ASAP1: variants seen among roughly 807,000 people sequenced by gnomAD.
The protein encoded by ASAP1 is arf-GAP with SH3 domain, ANK repeat and PH domain-containing protein 1.
Under a neutral mutation model 145.2 loss-of-function variants are expected in ASAP1, and 43 were observed. That is an observed-to-expected ratio of 0.30 (90% confidence interval 0.23 to 0.38). The LOEUF (loss-of-function observed/expected upper bound fraction) is 0.38. Among genes scored for constraint, ASAP1 ranks in the 10% least tolerant of loss-of-function variants. ASAP1 has a pLI of 1.00. For synonymous variants in ASAP1, 546 were observed against 515.5 expected, an observed-to-expected ratio of 1.06 and a Z score of -0.80; for missense variants, 1,018 against 1,355.3, an observed-to-expected ratio of 0.75 and a Z score of 3.91.
intron 3 of ASAP1, among the ~76,000 whole-genome samples, chr8:130,258,583 G>A (rs757460991): frequency 2.0e-5 from 3 of 152,208 alleles, no homozygotes; most frequent in Non-Finnish European, 4.4e-5. Flanking sequence ...TACCTCGGAA[G>A]GGCTCTGTGA....
intron 4 of ASAP1, among the ~76,000 whole-genome samples, chr8:130,219,168 A>G (rs1817132126): frequency 7.1e-6 from 1 of 141,292 alleles, no homozygotes; most frequent in Admixed American, 6.9e-5. Flanking sequence ...GTAATATCAA[A>G]CAGAATAAAA....
At chr8:130,427,442 C>A (rs911327770) in intron 1 of ASAP1, among the ~76,000 whole-genome samples, 3 of 152,336 alleles carry the variant, frequency 2.0e-5, no homozygotes, top group African/African-American at 7.2e-5. Context: ...TGCCGAGAAT[C>A]CCACATGTGG....
chr8:130,080,979 T>C lies in ASAP1; in HGVS notation c.2573-1008A>G, dbSNP rs183232337. On this transcript the variant is annotated intron_variant, in intron 25 of 29. Coordinates refer to ENST00000518721, the MANE Select transcript of ASAP1 (RefSeq NM_018482.4). ...ATCTACTATGTGCAAGGCATAAATG[T>C]GAAGCAGAAGGCACAAAAACAAATA... is the stretch of plus-strand genomic sequence containing the variant. 2.0e-3 allele frequency among the ~76,000 whole-genome samples: 310 copies of C among 152,318 alleles called. 1 individual carries two copies. The highest frequency in any genetic ancestry group is 0.01 in the Middle Eastern group (3 of 294).
intron 9 of ASAP1, among the ~76,000 whole-genome samples, chr8:130,177,536 GC>G (rs1814046980): frequency 6.6e-6 from 1 of 152,034 alleles, no homozygotes; most frequent in African/African-American, 2.4e-5. Flanking sequence ...TAGAACACAG[GC>G]CAAAGTTTCA....
intron 3 of ASAP1, among the ~76,000 whole-genome samples, chr8:130,283,961 G>A (rs1046282351): frequency 7.2e-5 from 11 of 152,172 alleles, no homozygotes; most frequent in Admixed American, 2.6e-4. Context: ...TAATCTAGAT[G>A]GCCTAAGAGT....
At chr8:130,107,568 G>A (rs1462010982) in intron 24 of ASAP1, among the ~76,000 whole-genome samples, 1 of 143,420 alleles carries the variant, frequency 7.0e-6, no homozygotes, top group Non-Finnish European at 1.5e-5. Context: ...GTATTTTTGA[G>A]ATAGAGTCTC....
intron 1 of ASAP1, among the ~76,000 whole-genome samples, chr8:130,414,538 AT>A (rs1001278174): frequency 6.6e-6 from 1 of 152,156 alleles, no homozygotes; most frequent in Non-Finnish European, 1.5e-5. Context: ...CATTAATAAT[AT>A]TAAACTCAGG....
chr8:130,160,164 G>A, intron 11 of ASAP1, 200 bp from the exon 12 acceptor site: 1 of 551,042 alleles, frequency 1.8e-6, no homozygotes, highest in South Asian at 2.0e-5. Flanking sequence ...CAAGTCCGAG[G>A]CAGAGCTGGG....
chr8:130,254,371 C>CA (rs1229045786), intron 3 of ASAP1, among the ~76,000 whole-genome samples: 1 of 152,070 alleles, frequency 6.6e-6, no homozygotes, highest in Non-Finnish European at 1.5e-5. Flanking sequence ...AAGGGAAACT[C>CA]AAATGGTGAG....
At chr8:130,204,831 C>T (rs1816101279) in intron 5 of ASAP1, among the ~76,000 whole-genome samples, 1 of 152,180 alleles carries the variant, frequency 6.6e-6, no homozygotes, top group Non-Finnish European at 1.5e-5. Context: ...TGTATTACTG[C>T]AGTATATCCT....
At chr8:130,248,211 T>C (rs1818969585) in intron 3 of ASAP1, among the ~76,000 whole-genome samples, 1 of 149,852 alleles carries the variant, frequency 6.7e-6, no homozygotes. Flanking sequence ...CTGAGGAATG[T>C]GGCGGGTGCC....
chr8:130,189,490 G>GT (rs1485605893), intron 5 of ASAP1, among the ~76,000 whole-genome samples: 1 of 152,036 alleles, frequency 6.6e-6, no homozygotes, highest in African/African-American at 2.4e-5. Context: ...GCATGACTTT[G>GT]TTTTTTATGG....
chr8:130,196,204 T>C (rs1046992031), intron 5 of ASAP1, among the ~76,000 whole-genome samples: 1 of 152,132 alleles, frequency 6.6e-6, no homozygotes, highest in Non-Finnish European at 1.5e-5. Context: ...TAGCCAGGTG[T>C]GTTGGCAGGC....
At position 130,401,915 on chromosome 8, in the gene ASAP1, C is replaced by T. The variant is rs763102104; in HGVS notation, c.29G>A (p.Ser10Asn). 3 of 1,613,592 alleles carry T rather than the reference C, an allele frequency of 1.9e-6. No homozygotes were observed. Among genetic ancestry groups the T allele is most frequent in the East Asian group, 4.5e-5 (2 of 44,878 alleles). The stretch of plus-strand genomic sequence containing the variant: ...CCATAGTGAATCTCTCGACGAAAAA[C>T]TGGAGAGCCTGGAGGCTGAAGATCT... MRSSASRLSSFSSRDSLWNR... is the reference protein window; with the variant it reads MRSSASRLSNFSSRDSLWNR... The change falls in exon 2 of 30, where the codon AGT becomes AAT. Residue 10 changes from serine (S) to asparagine (N), a missense_variant. By Grantham distance (46) the Ser-to-Asn change is conservative. Around this residue, in one of 9 missense-constraint regions of ASAP1, gnomAD observed 106 missense variants for 134.5 expected, o/e 0.79. Transcript: ENST00000518721.
At chr8:130,179,375 G>T in intron 8 of ASAP1, 26 bp from the exon 9 acceptor site, 1 of 1,458,524 alleles carries the variant, frequency 6.9e-7, no homozygotes, top group Non-Finnish European at 9.6e-7. Context: ...AGGGTTTTGC[G>T]TTGATTAATT....
chr8:130,102,717 G>C (rs1468194668), intron 24 of ASAP1, among the ~76,000 whole-genome samples: 2 of 152,084 alleles, frequency 1.3e-5, no homozygotes, highest in African/African-American at 2.4e-5. Flanking sequence ...ACAGGGTCTT[G>C]CTCTGTCACC....
chr8:130,398,666 TG>T (rs377496997), intron 2 of ASAP1, among the ~76,000 whole-genome samples: 1 of 152,230 alleles, frequency 6.6e-6, no homozygotes, highest in African/African-American at 2.4e-5. Context: ...GCACTTACCA[TG>T]TACCAGGCAC....
At chr8:130,076,286 G>C in intron 27 of ASAP1, 62 bp downstream of exon 27, 1 of 1,256,484 alleles carries the variant, frequency 8.0e-7, no homozygotes, top group Non-Finnish European at 1.1e-6. Context: ...AAAAACCTTG[G>C]GCCCCTTGGA....
chr8:130,308,228 T>C (rs972933881), intron 3 of ASAP1, among the ~76,000 whole-genome samples: 5 of 152,232 alleles, frequency 3.3e-5, no homozygotes, highest in Non-Finnish European at 4.4e-5. Flanking sequence ...ATTCAAAATA[T>C]ACTTGAGTGT....
Sources: gnomAD v4.1 joint callset for allele counts (sites outside exome capture counted in the v4.1 genomes callset) on GRCh38, gnomAD v4.1.1 for gene constraint, gnomAD v4.1.1 regional missense constraint, MANE v1.5 for transcripts, NCBI Gene and HGNC (gene_info 2026-07-23, HGNC 2026-07-21) for gene names.